Variants in MUC6 observed in about 807,000 individuals in gnomAD.
MUC6 encodes mucin 6, oligomeric mucus/gel-forming (gene/pseudogene), also known as mucin-6.
A neutral mutation model predicts 201.5 loss-of-function variants in MUC6; 188 were observed. That is an observed-to-expected ratio of 0.93 (90% CI 0.83 to 1.05). MUC6 has a LOEUF of 1.05. MUC6 is among the 50% of genes least tolerant of loss of function. The probability of loss-of-function intolerance (pLI) is 0.00; values close to 1 mark genes in which losing one functional copy is unlikely to be tolerated. For synonymous variants in MUC6, 1,228 were observed against 1,389.4 expected (o/e 0.88, Z 2.58); for missense variants, 2,706 against 3,256.9 (o/e 0.83, Z 4.12).
In MUC6 at chr11:1,013,981, G is replaced by A. The variant is rs766485196; in HGVS notation, c.7060C>T (p.Gln2354Ter). Residue 2354 changes from glutamine (Q) to a stop codon, truncating the protein, a stop_gained, in exon 32 of 33, where the codon CAG (glutamine) becomes TAG (stop). Coordinates refer to ENST00000421673, the MANE Select transcript of MUC6 (RefSeq NM_005961.3). LOFTEE classifies it high-confidence loss of function. ...TSPGVCSVRE[Q>*]QEEITFKGCM... ...CCCTTGAACGTGATCTCCTCCTGCT[G>A]CTCCCGCACACTGCAGACCCCTGGT... The A allele has an allele frequency of 6.2e-7, 1 of 1,608,622 alleles. No homozygotes were observed. Among genetic ancestry groups the A allele is most frequent in the South Asian group, 1.1e-5 (1 of 90,154 alleles).
At chr11:1,030,184 GGA>G (rs1190818629) in intron 8 of MUC6, 27 bp downstream of exon 8, 2 of 1,546,892 alleles carry the variant, frequency 1.3e-6, no homozygotes, top group Non-Finnish European at 1.7e-6. Context: ...GGGGTCCCGG[GGA>G]GAGAGAGTGC....
chr11:1,024,930 A>C lies in MUC6; in HGVS notation c.3139T>G (p.Cys1047Gly), dbSNP rs1856915777. The change falls in exon 24 of 33, where the codon TGC (cysteine) becomes GGC (glycine). Residue 1047 changes from cysteine (C) to glycine (G), a missense_variant. Physicochemically the swap from Cys to Gly is radical, Grantham distance 159. This residue lies in a region of MUC6 where 1,850 missense variants were observed against 1,958.3 expected (regional missense o/e 0.94). Coordinates refer to ENST00000421673, the MANE Select transcript of MUC6 (RefSeq NM_005961.3). Reference protein sequence around the residue: ...CGDVSFVTDPCSLNAFRRSWA... With the variant: ...CGDVSFVTDPGSLNAFRRSWA... ...GAGCGCCGGAAGGCATTGAGACTGC[A>C]GGGGTCTGTCACGAAGCTCACGTCC... 1 of 1,612,834 alleles carries C rather than the reference A, an allele frequency of 6.2e-7. No homozygotes were observed. The highest frequency in any genetic ancestry group is 8.5e-7 in the Non-Finnish European group (1 of 1,179,896).
chr11:1,031,862 C>A lies in MUC6; in HGVS notation c.307G>T (p.Ala103Ser). Residue 103 changes from alanine to serine, a missense_variant, in exon 3 of 33, where the codon GCC becomes TCC. Around this residue, in one of 10 missense-constraint regions of MUC6, gnomAD observed 1,850 missense variants for 1,958.3 expected, o/e 0.94. Transcript: ENST00000421673. ...GCTTCGCTCACAGTGACGACGGAGG[C>A]CCCCAGCTCCACGATGATCCGCGAG... ...SISRIIVELG[A>S]SVVTVSEAII... is the part of the protein sequence containing the mutation. 6.2e-7 allele frequency: 1 copy of A among 1,612,658 alleles called. No homozygotes were observed. The highest frequency in any genetic ancestry group is 8.5e-7 in the Non-Finnish European group (1 of 1,179,844).
In MUC6 at chr11:1,033,037, T is replaced by TC. The variant is rs764732681; in HGVS notation, c.90dup (p.Arg31GlufsTer127). 1 of 1,607,440 alleles carries TC rather than the reference T, an allele frequency of 6.2e-7. No individual in the cohort carries two copies. Among genetic ancestry groups the TC allele is most frequent in the Non-Finnish European group, 8.5e-7 (1 of 1,174,770 alleles). On this transcript the variant is annotated frameshift_variant, in exon 2 of 33. Coordinates refer to ENST00000421673, the MANE Select transcript of MUC6 (RefSeq NM_005961.3). LOFTEE classifies it high-confidence loss of function. The surrounding 1 kb of genome is among the most constrained non-coding windows in gnomAD (Gnocchi z 5.6). ...CCTGTCTGTGGAGAGTCCTTCAGCC[T>TC]CTGGAGGCCTGGGCTGGTGTAGGAG...
intron 31 of MUC6, among the ~76,000 whole-genome samples, 192 bp from the exon 32 acceptor site, chr11:1,014,193 T>G (rs1269746175): frequency 6.6e-6 from 1 of 152,192 alleles, no homozygotes; most frequent in Non-Finnish European, 1.5e-5. Flanking sequence ...GCATCCTAGT[T>G]TGTTTTTTCC....
intron 31 of MUC6, 100 bp downstream of exon 31, chr11:1,015,662 G>C: frequency 6.8e-7 from 1 of 1,475,524 alleles, no homozygotes; most frequent in Non-Finnish European, 9.0e-7. Flanking sequence ...GTGTGGTCCT[G>C]GGATCACAGG....
Position 1,030,677 on chromosome 11 carries a change from TG to T in MUC6, c.787del (p.Gln263SerfsTer54). ...SCQADVAAAP[Q>X]PGPQNSSCAT... The stretch of plus-strand genomic sequence containing the variant: ...ACAACTGCTGTTCTGTGGGCCTGGC[TG>T]GGGGGCTGCGGCCACGTCCGCCTGG... On this transcript the variant is annotated frameshift_variant, in exon 7 of 33. Coordinates refer to ENST00000421673, the MANE Select transcript of MUC6 (RefSeq NM_005961.3). LOFTEE classifies it high-confidence loss of function. 5 of 1,550,154 alleles carry T rather than the reference TG, an allele frequency of 3.2e-6. No individual in the cohort carries two copies.
intron 8 of MUC6, among the ~76,000 whole-genome samples, 186 bp from the exon 9 acceptor site, chr11:1,029,801 C>G (rs1857058708): frequency 6.6e-6 from 1 of 152,302 alleles, no homozygotes; most frequent in African/African-American, 2.4e-5. Flanking sequence ...GCCATGACCT[C>G]TCTCCAGCTG....
In MUC6 at chr11:1,027,960, C is replaced by A; in HGVS notation, c.1848+5G>T. ...AGCCCTCCCAAGACGCCCTCGGGCC[C>A]TCACCTTGTAGAAGGGTGCAGGGTT... On this transcript the variant is annotated splice_donor_5th_base_variant and intron_variant, in intron 15 of 32. Transcript: ENST00000421673. The A allele has an allele frequency of 6.4e-7, 1 of 1,569,980 alleles. No homozygotes were observed. Among genetic ancestry groups the A allele is most frequent in the East Asian group, 2.4e-5 (1 of 42,192 alleles).
chr11:1,025,997 T>A lies in MUC6; in HGVS notation c.2688+3A>T, dbSNP rs752271171. 1.3e-6 allele frequency: 2 copies of A among 1,587,208 alleles called. No homozygotes were observed. Among genetic ancestry groups the A allele is most frequent in the Non-Finnish European group, 1.7e-6 (2 of 1,167,250 alleles). On this transcript the variant is annotated splice_donor_region_variant and intron_variant, in intron 21 of 32. Coordinates refer to ENST00000421673, the MANE Select transcript of MUC6 (RefSeq NM_005961.3). ...CCCCTGCGGCCTGGCACCCGATGGTTACCGTGGCCAGGATGTACTCGCAGT... is the reference window on the plus strand; with the variant it reads ...CCCCTGCGGCCTGGCACCCGATGGTAACCGTGGCCAGGATGTACTCGCAGT...
chr11:1,019,865 C>T lies in MUC6; in HGVS notation c.3808+225G>A, dbSNP rs566232750. On this transcript the variant is annotated intron_variant, in intron 29 of 32. Coordinates refer to ENST00000421673, the MANE Select transcript of MUC6 (RefSeq NM_005961.3). The stretch of plus-strand genomic sequence containing the variant: ...GCAGGTCCCACACGGTTTCTAGTGA[C>T]AGCAGCCAGCAGCAAGGAATGCCCC... The T allele has an allele frequency of 1.5e-4, 104 of 702,918 alleles. 2 individuals are homozygous for T. Among genetic ancestry groups the T allele is most frequent in the South Asian group, 1.2e-3 (75 of 62,692 alleles). The allele number at this position is 702,918 out of a possible 1,614,324, so 43.5% of individuals were successfully genotyped here. A position where few individuals can be genotyped will look rare whatever the true frequency, so the allele number is the denominator to read the frequency against.
chr11:1,017,295 G>C lies in MUC6; in HGVS notation c.5506C>G (p.Leu1836Val), dbSNP rs1273043579. ...GAGAAAGATGGAACGTGAGTGGGAA[G>C]TGTGGTGTGAGGGTGTGATGGGGTT... is the stretch of plus-strand genomic sequence containing the variant. The part of the protein sequence containing the change: ...YPTPSHPHTT[L>V]PTHVPSFSTS... Residue 1836 changes from leucine to valine, a missense_variant, in exon 31 of 33, where the codon CTT becomes GTT. Leu to Val is a conservative substitution (Grantham distance 32). Coordinates refer to ENST00000421673, the MANE Select transcript of MUC6 (RefSeq NM_005961.3). 6.2e-7 allele frequency: 1 copy of C among 1,613,902 alleles called. No homozygotes were observed. Among genetic ancestry groups the C allele is most frequent in the African/African-American group, 1.3e-5 (1 of 74,956 alleles).
At chr11:1,021,908 C>CCAGGGCA in intron 26 of MUC6, among the ~76,000 whole-genome samples, 1 of 152,060 alleles carries the variant, frequency 6.6e-6, no homozygotes. Context: ...ACCACTTGGG[C>CCAGGGCA]CAGGACCTGT....
rs1460416519 is a variant in MUC6 at position 1,016,490 on chromosome 11, G to A, written c.6311C>T (p.Ser2104Leu). The A allele has an allele frequency of 3.7e-6, 6 of 1,613,780 alleles. No individual in the cohort carries two copies. The African/African-American group carries it at 5.3e-5, about 14-fold the overall frequency. ...GGGGAGTTGTGTGGTGATAGGTGAT[G>A]ACGGTGGCCTTGAGCTAGAGTTCTG... ...LPQNSSSRPP[S>L]SPITTQLPHL... The change falls in exon 31 of 33, where the codon TCA becomes TTA. Residue 2104 changes from serine (S) to leucine (L), a missense_variant. By Grantham distance (145) the Ser-to-Leu change is moderately radical (BLOSUM62 -2). Around this residue, in one of 10 missense-constraint regions of MUC6, gnomAD observed 586 missense variants for 488.0 expected, o/e 1.20. Transcript: ENST00000421673.
intron 30 of MUC6, among the ~76,000 whole-genome samples, 190 bp downstream of exon 30, chr11:1,019,084 TC>T: frequency 6.6e-6 from 1 of 152,192 alleles, no homozygotes. Flanking sequence ...GCACCTCTGC[TC>T]CCCAGGCCTG....
At chr11:1,036,019 C>T (rs574788072) in intron 1 of MUC6, among the ~76,000 whole-genome samples, 1 of 152,216 alleles carries the variant, frequency 6.6e-6, no homozygotes, top group East Asian at 1.9e-4. Flanking sequence ...CCTCCTGGAT[C>T]CTGCCCGAGC....
At position 1,018,614 on chromosome 11, in the gene MUC6, T is replaced by C. The variant is rs747545634; in HGVS notation, c.4187A>G (p.Glu1396Gly). Reference protein sequence around the residue: ...TETTQTRTTTEYTTPQTPHTT... With the variant: ...TETTQTRTTTGYTTPQTPHTT... ...GTGTGGGGTTTGGGGCGTTGTGTATTCAGTAGTCGTTCTTGTTTGAGTGGT... is the reference window on the plus strand; with the variant it reads ...GTGTGGGGTTTGGGGCGTTGTGTATCCAGTAGTCGTTCTTGTTTGAGTGGT... The change falls in exon 31 of 33, where the codon GAA (glutamate) becomes GGA (glycine). Residue 1396 changes from glutamate (E) to glycine (G), a missense_variant. By Grantham distance (98) the Glu-to-Gly change is moderately conservative (BLOSUM62 -2). This residue lies in a region of MUC6 where 1,850 missense variants were observed against 1,958.3 expected (regional missense o/e 0.94). Transcript: ENST00000421673. The C allele has an allele frequency of 2.0e-5, 32 of 1,612,874 alleles. No homozygotes were observed. The highest frequency in any genetic ancestry group is 2.6e-5 in the Non-Finnish European group (31 of 1,179,568).
At chr11:1,030,531 C>T (rs1410034331) in intron 7 of MUC6, 42 bp downstream of exon 7, 1 of 1,465,754 alleles carries the variant, frequency 6.8e-7, no homozygotes, top group South Asian at 1.4e-5. Context: ...GGTCTGGAGC[C>T]CTCGGCCTTC....
chr11:1,015,803 G>T lies in MUC6; in HGVS notation c.6998C>A (p.Ala2333Asp), dbSNP rs1428095602. ...LTAHGSTPAS[A>D]PVSSLGTPTP... ...AGGTGTCCCGAGAGAAGATACCGGG[G>T]CAGAAGCAGGGGTGCTTCCATGGGC... Residue 2333 changes from alanine (A) to aspartate (D), a missense_variant, in exon 31 of 33, where the codon GCC becomes GAC. Around this residue, in one of 10 missense-constraint regions of MUC6, gnomAD observed 586 missense variants for 488.0 expected, o/e 1.20. Transcript: ENST00000421673. 6.4e-7 allele frequency: 1 copy of T among 1,557,538 alleles called. No homozygotes were observed. The highest frequency in any genetic ancestry group is 1.9e-5 in the Admixed American group (1 of 53,500).
Sources: allele counts gnomAD v4.1 joint callset (sites outside exome capture counted in the v4.1 genomes callset), GRCh38; gene constraint gnomAD v4.1.1; regional missense constraint gnomAD v4.1.1; non-coding constraint Gnocchi (gnomAD v3.1); transcripts MANE v1.5; gene names NCBI Gene and HGNC (gene_info 2026-07-23, HGNC 2026-07-21).